The following MAVS variants were observed in gnomAD, a reference collection of about 807,000 sequenced individuals.
The protein encoded by MAVS is mitochondrial antiviral signaling protein, also known as mitochondrial antiviral-signaling protein.
Under a neutral mutation model 30.2 loss-of-function variants are expected in MAVS, and 20 were observed. That is an observed-to-expected ratio of 0.66 (90% CI 0.47 to 0.96). MAVS has a LOEUF of 0.96. MAVS is among the 40% of genes least tolerant of loss of function. MAVS has a pLI of 0.00. For synonymous variants in MAVS, 278 were observed against 293.9 expected (o/e 0.95, Z 0.55); for missense variants, 624 against 701.1 (o/e 0.89, Z 1.24).
rs1206774160 is a variant in MAVS, at chr20:3,862,353, C to T, written c.565C>T (p.Pro189Ser). ...CTCCTCTGACCTGGCAGCCCTCAGC[C>T]CTCTGACCTCCAGCGGGCATCAGGA... is the stretch of plus-strand genomic sequence containing the variant. ...ESSSDLAALS[P>S]LTSSGHQEQD... The change falls in exon 5 of 7, where the codon CCT (proline) becomes TCT (serine). Residue 189 changes from proline to serine, a missense_variant. Transcript: ENST00000428216. 8.7e-6 allele frequency: 14 copies of T among 1,614,024 alleles called. No individual in the cohort carries two copies. The highest frequency in any genetic ancestry group is 1.1e-5 in the Non-Finnish European group (13 of 1,180,040).
Position 3,854,953 on chromosome 20 carries a change from C to T in MAVS, c.117+212C>T, listed in dbSNP as rs374964470. Among the ~76,000 whole-genome samples, 125 of 146,794 alleles carry T rather than the reference C, an allele frequency of 8.5e-4. 1 individual carries two copies. The highest frequency in any genetic ancestry group is 1.4e-3 in the Non-Finnish European group (94 of 67,380). ...GTCGCCAGGCTGGAGTGCAGTGGCA[C>T]GATCTTGGCTCATTGCAACCTCCGC... On this transcript the variant is annotated intron_variant, in intron 2 of 6. Coordinates refer to ENST00000428216, the MANE Select transcript of MAVS (RefSeq NM_020746.5).
Position 3,867,038 on chromosome 20 carries a change from G to A in MAVS, c.*891G>A, listed in dbSNP as rs762438359. On this transcript the variant is annotated 3_prime_UTR_variant, in exon 7 of 7. Transcript: ENST00000428216. ...GGGTTCTTCTGAGATTGAACCTACA[G>A]GTGTTTGCCAAGTGCCTGGCCCAGA... The A allele has an allele frequency of 1.3e-5, 6 of 456,752 alleles. No homozygotes were observed. The highest frequency in any genetic ancestry group is 9.3e-5 in the South Asian group (6 of 64,572). The allele number at this position is 456,752 out of a possible 1,614,324, so 28.3% of individuals were successfully genotyped here. A position where few individuals can be genotyped will look rare whatever the true frequency, so the allele number is the denominator to read the frequency against.
chr20:3,853,443 G>A (rs1443532861), intron 1 of MAVS, among the ~76,000 whole-genome samples: 11 of 149,100 alleles, frequency 7.4e-5, no homozygotes, highest in African/African-American at 1.2e-4. Context: ...CCGAGATCGC[G>A]CCACCGCACT....
Position 3,853,240 on chromosome 20 carries a change from A to G in MAVS, c.-67-1318A>G, listed in dbSNP as rs1390039240. ...GGTGGCTCACGCCTGTAATCCCAGC[A>G]CTTTGGGAGGCCGAGGCGGGCGCAT... On this transcript the variant is annotated intron_variant, in intron 1 of 6. Coordinates refer to ENST00000428216, the MANE Select transcript of MAVS (RefSeq NM_020746.5). Among the ~76,000 whole-genome samples, 49 of 149,048 alleles carry G rather than the reference A, an allele frequency of 3.3e-4. No individual in the cohort carries two copies. In the South Asian group the frequency reaches 9.9e-3, roughly 30 times the overall value.
At position 3,868,088 on chromosome 20, in the gene MAVS, G is replaced by T. The variant is rs1436640173; in HGVS notation, c.*1941G>T. 6.6e-6 allele frequency: 1 copy of T among 152,302 alleles called. No homozygotes were observed. The highest frequency in any genetic ancestry group is 1.5e-5 in the Non-Finnish European group (1 of 68,100). The allele number at this position is 152,302 out of a possible 1,614,324, so 9.4% of individuals were successfully genotyped here. On this transcript the variant is annotated 3_prime_UTR_variant, in exon 7 of 7. Coordinates refer to ENST00000428216, the MANE Select transcript of MAVS (RefSeq NM_020746.5). ...CCCTAGGGGAGTTCAGCAACCTAAT[G>T]ATCTCTATCTCTGAACATCTCTTCA...
chr20:3,847,923 G>C (rs1180984476), intron 1 of MAVS, among the ~76,000 whole-genome samples: 2 of 152,180 alleles, frequency 1.3e-5, no homozygotes, highest in Non-Finnish European at 2.9e-5. Flanking sequence ...AAGAACCTTA[G>C]GATGTGCCTG....
At chr20:3,859,377 G>T (rs927425982) in intron 3 of MAVS, among the ~76,000 whole-genome samples, 19 of 151,892 alleles carry the variant, frequency 1.3e-4, no homozygotes, top group African/African-American at 4.6e-4. Flanking sequence ...GCATGGTGGT[G>T]CAAGCCTGTA....
At chr20:3,857,582 G>A in intron 2 of MAVS, 53 bp from the exon 3 acceptor site, 5 of 1,558,698 alleles carry the variant, frequency 3.2e-6, no homozygotes, top group Non-Finnish European at 4.4e-6. Context: ...TCTGGGTGGG[G>A]AAGTGGCAGG....
chr20:3,865,285 C>T lies in MAVS; in HGVS notation c.1159-398C>T, dbSNP rs973410676. ...TGCCTGCTCCAAGCCTCACATCTAA[C>T]CCTAGCTGCGGCTGTCTGCTGGGAA... On this transcript the variant is annotated intron_variant, in intron 6 of 6. Transcript: ENST00000428216. The surrounding 1 kb of genome is among the most constrained non-coding windows in gnomAD (Gnocchi z 4.7). Among the ~76,000 whole-genome samples, 3 of 152,190 alleles carry T rather than the reference C, an allele frequency of 2.0e-5. No individual in the cohort carries two copies. The highest frequency in any genetic ancestry group is 7.2e-5 in the African/African-American group (3 of 41,444).
chr20:3,853,184 T>A (rs961169898), intron 1 of MAVS, among the ~76,000 whole-genome samples: 1 of 143,142 alleles, frequency 7.0e-6, no homozygotes, highest in African/African-American at 2.5e-5. Flanking sequence ...AAATAGGATG[T>A]TTACAGAAAT....
chr20:3,855,692 G>T (rs60498373), intron 2 of MAVS, among the ~76,000 whole-genome samples: 5,511 of 152,266 alleles, frequency 0.036, 313 homozygotes, highest in African/African-American at 0.12. Flanking sequence ...AGGTCTGTTT[G>T]GAGTTTGCTC....
In MAVS at chr20:3,868,869, G is replaced by A. The variant is rs1427875311; in HGVS notation, c.*2722G>A. 6.6e-6 allele frequency: 1 copy of A among 152,242 alleles called. No homozygotes were observed. Among genetic ancestry groups the A allele is most frequent in the Non-Finnish European group, 1.5e-5 (1 of 68,068 alleles). The allele number at this position is 152,242 out of a possible 1,614,324, so 9.4% of individuals were successfully genotyped here. On this transcript the variant is annotated 3_prime_UTR_variant, in exon 7 of 7. Transcript: ENST00000428216. ...ACTGCACTCCAGCCTGGGTGACCGA[G>A]TGATACTCTGTCTCAAAGAAAAAAA...
chr20:3,854,518 C>A, intron 1 of MAVS, 40 bp from the exon 2 acceptor site: 2 of 659,944 alleles, frequency 3.0e-6, no homozygotes, highest in Non-Finnish European at 5.1e-6. Context: ...CACTCCCAAC[C>A]CCCCAACCCT....
intron 1 of MAVS, among the ~76,000 whole-genome samples, chr20:3,849,132 T>C (rs952662538): frequency 6.6e-6 from 1 of 151,770 alleles, no homozygotes; most frequent in Non-Finnish European, 1.5e-5. Context: ...AGTCCTTTCC[T>C]ACAGCACTCT....
chr20:3,859,506 TC>T (rs1411305112), intron 3 of MAVS, among the ~76,000 whole-genome samples: 20 of 37,468 alleles, frequency 5.3e-4, no homozygotes, highest in Non-Finnish European at 7.0e-4. Flanking sequence ...AGACTCCGTC[TC>T]CAAAAAAAAA....
intron 1 of MAVS, among the ~76,000 whole-genome samples, chr20:3,849,406 T>C (rs2089738655): frequency 6.6e-6 from 1 of 152,124 alleles, no homozygotes; most frequent in Non-Finnish European, 1.5e-5. Context: ...GGTTTCACCA[T>C]GTTGGCGAGG....
chr20:3,861,915 A>G (rs1472378178), intron 4 of MAVS, among the ~76,000 whole-genome samples: 1 of 151,986 alleles, frequency 6.6e-6, no homozygotes, highest in African/African-American at 2.4e-5. Flanking sequence ...CGCCCAGCTA[A>G]TTTTTGTATT....
intron 3 of MAVS, among the ~76,000 whole-genome samples, chr20:3,858,873 C>T (rs1765137197): frequency 6.6e-6 from 1 of 151,340 alleles, no homozygotes; most frequent in Admixed American, 6.6e-5. Flanking sequence ...AATCATAGCT[C>T]ACTGCAGCCT....
At chr20:3,857,483 C>G (rs1469289413) in intron 2 of MAVS, 152 bp from the exon 3 acceptor site, 1 of 816,750 alleles carries the variant, frequency 1.2e-6, no homozygotes, top group Admixed American at 2.8e-5. Flanking sequence ...CACTCCATAC[C>G]TGGCCCTGTC....
Sources: allele counts gnomAD v4.1 joint callset (sites outside exome capture counted in the v4.1 genomes callset), GRCh38; gene constraint gnomAD v4.1.1; non-coding constraint Gnocchi (gnomAD v3.1); transcripts MANE v1.5; gene names NCBI Gene and HGNC (gene_info 2026-07-23, HGNC 2026-07-21).